ANKRD30B: variants seen among roughly 807,000 people sequenced by gnomAD.
The protein encoded by ANKRD30B is ankyrin repeat domain 30B, also known as ankyrin repeat domain-containing protein 30B.
In ANKRD30B, 144 loss-of-function variants were observed where a neutral mutation model predicts 202.2. That is an observed-to-expected ratio of 0.71 (90% CI 0.62 to 0.82). ANKRD30B has a LOEUF of 0.82. ANKRD30B is among the 40% of genes least tolerant of loss of function. The pLI is 0.00. For synonymous variants in ANKRD30B, 508 were observed against 561.3 expected (o/e 0.91, Z 1.34); for missense variants, 1,487 against 1,669.1 (o/e 0.89, Z 1.90).
the ANKRD30B span, among the ~76,000 whole-genome samples, chr18:14,886,303 A>C: frequency 6.6e-6 from 1 of 152,084 alleles, no homozygotes; most frequent in Non-Finnish European, 1.5e-5. Flanking sequence ...TTGATCTCCC[A>C]GACTACAAAT....
the ANKRD30B span, among the ~76,000 whole-genome samples, chr18:14,875,122 G>A: frequency 2.6e-5 from 4 of 152,186 alleles, no homozygotes; most frequent in Non-Finnish European, 5.9e-5. Context: ...CGCAGACTGT[G>A]CCTCAGCAAA....
chr18:14,791,055 G>C (rs1052757792), intron 15 of ANKRD30B, among the ~76,000 whole-genome samples: 1 of 152,094 alleles, frequency 6.6e-6, no homozygotes, highest in African/African-American at 2.4e-5. Context: ...ATTGATTATT[G>C]CCACAATTTC....
chr18:14,783,312 G>A (rs1350266446), intron 12 of ANKRD30B, among the ~76,000 whole-genome samples: 2 of 152,110 alleles, frequency 1.3e-5, no homozygotes, highest in Non-Finnish European at 2.9e-5. Context: ...ATTTTAATAA[G>A]TTCTCAGGCG....
chr18:14,795,254 G>A (rs1968797317), intron 16 of ANKRD30B, among the ~76,000 whole-genome samples: 1 of 152,174 alleles, frequency 6.6e-6, no homozygotes, highest in South Asian at 2.1e-4. Flanking sequence ...TGGAGTGCAG[G>A]GGCATGATCT....
At chr18:14,941,077 A>G in the ANKRD30B span, among the ~76,000 whole-genome samples, 3 of 152,180 alleles carry the variant, frequency 2.0e-5, no homozygotes, top group African/African-American at 7.2e-5. Flanking sequence ...TTTTCCTACC[A>G]TGCAAACCAT....
At chr18:14,764,222 A>G in intron 7 of ANKRD30B, 132 bp downstream of exon 7, 1 of 938,746 alleles carries the variant, frequency 1.1e-6, no homozygotes, top group South Asian at 2.1e-5. Context: ...ACTTTTTAAT[A>G]GTGTAGAAAT....
chr18:14,825,349 C>T (rs1345843093), intron 32 of ANKRD30B: 2 of 152,180 alleles, frequency 1.3e-5, no homozygotes, highest in African/African-American at 2.4e-5. Flanking sequence ...TTCTTGGCCT[C>T]GATAAGCCTG....
At chr18:14,900,611 C>T in the ANKRD30B span, among the ~76,000 whole-genome samples, 1 of 152,036 alleles carries the variant, frequency 6.6e-6, no homozygotes, top group Non-Finnish European at 1.5e-5. Context: ...CTCCTTTTTC[C>T]ATGGCAATAG....
the ANKRD30B span, among the ~76,000 whole-genome samples, chr18:14,866,150 C>G: frequency 2.0e-5 from 3 of 152,400 alleles, no homozygotes; most frequent in East Asian, 3.9e-4. Context: ...CGTAACCCCA[C>G]GTGCATGCTG....
intron 30 of ANKRD30B, among the ~76,000 whole-genome samples, chr18:14,820,836 T>C (rs2144110417): frequency 6.6e-6 from 1 of 152,330 alleles, no homozygotes; most frequent in African/African-American, 2.4e-5. Flanking sequence ...TTTTCTGTTG[T>C]GTCTCTGCCC....
At chr18:14,797,917 G>A in intron 20 of ANKRD30B, 63 bp downstream of exon 20, 1 of 1,332,922 alleles carries the variant, frequency 7.5e-7, no homozygotes, top group Non-Finnish European at 1.0e-6. Context: ...GAAATGCCAA[G>A]AGCCTTTTAT....
chr18:14,932,733 C>T, the ANKRD30B span, among the ~76,000 whole-genome samples: 18 of 152,144 alleles, frequency 1.2e-4, no homozygotes, highest in Admixed American at 1.2e-3. Context: ...CCTGAAGACC[C>T]TCTCAGGCTC....
At position 14,815,459 on chromosome 18, in the gene ANKRD30B, A is replaced by T. The variant is rs1011167220; in HGVS notation, c.2641+748A>T. On this transcript the variant is annotated intron_variant, in intron 30 of 43. Transcript: ENST00000690538. Reference sequence around the variant, plus strand: ...GATGCTGGTGGTCCTTGGACCTCAGACTGAGTAGCAAGAGGAGAGGCCTTT... The same window carrying T: ...GATGCTGGTGGTCCTTGGACCTCAGTCTGAGTAGCAAGAGGAGAGGCCTTT... Among the ~76,000 whole-genome samples the T allele has an allele frequency of 4.6e-5, 7 of 152,270 alleles. No homozygotes were observed. The East Asian group carries it at 1.2e-3, about 25-fold the overall frequency.
chr18:14,933,609 C>T, the ANKRD30B span, among the ~76,000 whole-genome samples: 3 of 152,094 alleles, frequency 2.0e-5, no homozygotes, highest in Non-Finnish European at 4.4e-5. Context: ...CTGAGGCTTC[C>T]TCTCCTGGGC....
At chr18:14,877,908 G>C in the ANKRD30B span, 2 of 152,206 alleles carry the variant, frequency 1.3e-5, no homozygotes, top group Non-Finnish European at 2.9e-5. Context: ...GACCCTGTTA[G>C]CCCAAAAGCT....
At chr18:14,836,094 G>A (rs1277749449) in intron 34 of ANKRD30B, among the ~76,000 whole-genome samples, 6 of 151,736 alleles carry the variant, frequency 4.0e-5, no homozygotes, top group African/African-American at 1.5e-4. Flanking sequence ...GATTTGTGTT[G>A]CTTAATTCTA....
intron 39 of ANKRD30B, among the ~76,000 whole-genome samples, chr18:14,846,724 A>G (rs1190698131): frequency 2.0e-5 from 3 of 152,146 alleles, no homozygotes; most frequent in Admixed American, 6.6e-5. Flanking sequence ...GTACTTTGGT[A>G]TTAATACAAC....
rs1233216972 is a variant in ANKRD30B, at chr18:14,787,075, A to G, written c.1709A>G (p.Asp570Gly). The change falls in exon 15 of 44, where the codon GAT (aspartate) becomes GGT (glycine). Residue 570 changes from aspartate to glycine, a missense_variant. Asp to Gly is a moderately conservative substitution (Grantham distance 94). Transcript: ENST00000690538. ...CCATCAGAATCCAAACAAAAGGACG[A>G]TGAAGAAAATTCTTGGGATTCTGAG... The part of the protein sequence containing the change: ...MFPSESKQKD[D>G]EENSWDSESP... The G allele has an allele frequency of 6.2e-7, 1 of 1,609,634 alleles. No homozygotes were observed. Among genetic ancestry groups the G allele is most frequent in the South Asian group, 1.1e-5 (1 of 90,732 alleles).
chr18:14,836,014 A>G (rs1971156871), intron 34 of ANKRD30B, among the ~76,000 whole-genome samples: 2 of 151,996 alleles, frequency 1.3e-5, no homozygotes, highest in African/African-American at 4.8e-5. Flanking sequence ...GAAATATATA[A>G]CTGAGAAACT....
Sources: gnomAD v4.1 joint callset for allele counts (sites outside exome capture counted in the v4.1 genomes callset) on GRCh38, gnomAD v4.1.1 for gene constraint, MANE v1.5 for transcripts, NCBI Gene and HGNC (gene_info 2026-07-23, HGNC 2026-07-21) for gene names.